Variants in GRID2 observed in about 807,000 individuals in gnomAD.
GRID2 encodes glutamate ionotropic receptor delta type subunit 2.
Under a neutral mutation model 114.8 loss-of-function variants are expected in GRID2, and 33 were observed. The ratio of observed to expected loss-of-function variants is 0.29; its 90% CI spans 0.22 to 0.38. The LOEUF is 0.38. GRID2 is among the 10% of genes least tolerant of loss of function. The pLI, the probability that GRID2 is intolerant of heterozygous loss-of-function variation, is 1.00. For missense variants in GRID2, 1,184 were observed against 1,257.7 expected (o/e 0.94, Z 0.89); for synonymous variants, 505 against 449.9 (o/e 1.12, Z -1.55).
intron 1 of GRID2, among the ~76,000 whole-genome samples, chr4:92,475,552 C>T (rs983582664): frequency 1.3e-5 from 2 of 151,776 alleles, no homozygotes; most frequent in Admixed American, 1.3e-4. Context: ...TAAGTCAATA[C>T]CATGTTGCTT....
intron 11 of GRID2, among the ~76,000 whole-genome samples, chr4:93,459,905 T>G (rs1260928891): frequency 6.6e-6 from 1 of 152,182 alleles, no homozygotes; most frequent in Non-Finnish European, 1.5e-5. Context: ...TCTTCCTCTT[T>G]CTCATCTTGT....
chr4:93,514,612 T>C (rs1237888111), intron 12 of GRID2, among the ~76,000 whole-genome samples: 1 of 152,136 alleles, frequency 6.6e-6, no homozygotes, highest in Non-Finnish European at 1.5e-5. Flanking sequence ...TCACTTATTC[T>C]CTCAACCTCA....
intron 8 of GRID2, among the ~76,000 whole-genome samples, chr4:93,303,570 T>C (rs1218265267): frequency 6.6e-6 from 1 of 152,192 alleles, no homozygotes; most frequent in African/African-American, 2.4e-5. Flanking sequence ...CATCACCTTG[T>C]GGTGATCAGG....
intron 1 of GRID2, among the ~76,000 whole-genome samples, chr4:92,377,955 T>A (rs970137934): frequency 3.3e-5 from 5 of 152,088 alleles, no homozygotes; most frequent in African/African-American, 1.2e-4. Flanking sequence ...TATTTCAACG[T>A]ATGTGGTTAG....
chr4:93,312,585 A>C (rs1756135754), intron 8 of GRID2, among the ~76,000 whole-genome samples: 1 of 152,234 alleles, frequency 6.6e-6, no homozygotes. Context: ...TCAAGGAAGT[A>C]GTCACTTTAA....
intron 14 of GRID2, among the ~76,000 whole-genome samples, chr4:93,632,743 A>G (rs768145357): frequency 1.2e-4 from 18 of 152,114 alleles, no homozygotes; most frequent in African/African-American, 2.4e-4. Flanking sequence ...GTTTTTTCCA[A>G]TTCTGTGAAG....
chr4:93,686,432 A>G (rs1726084304), intron 14 of GRID2, among the ~76,000 whole-genome samples: 1 of 151,942 alleles, frequency 6.6e-6, no homozygotes, highest in Non-Finnish European at 1.5e-5. Context: ...GCAAATGTTC[A>G]TCAGCTACTA....
At chr4:92,850,968 G>A (rs1743738456) in intron 2 of GRID2, among the ~76,000 whole-genome samples, 1 of 151,938 alleles carries the variant, frequency 6.6e-6, no homozygotes, top group Admixed American at 6.6e-5. Context: ...ACAGGTGTGT[G>A]CATATGCACA....
At chr4:93,616,648 CA>C (rs2149675805) in intron 13 of GRID2, among the ~76,000 whole-genome samples, 1 of 148,692 alleles carries the variant, frequency 6.7e-6, no homozygotes, top group African/African-American at 2.5e-5. Context: ...ATAGACTAAA[CA>C]AAACTTGCTT....
intron 3 of GRID2, among the ~76,000 whole-genome samples, chr4:93,108,572 A>G (rs1373464514): frequency 6.6e-6 from 1 of 151,916 alleles, no homozygotes; most frequent in African/African-American, 2.4e-5. Context: ...ACTCAAATAA[A>G]GAACAACTTA....
intron 2 of GRID2, among the ~76,000 whole-genome samples, chr4:92,803,912 A>C (rs1184769393): frequency 6.6e-6 from 1 of 151,920 alleles, no homozygotes; most frequent in African/African-American, 2.4e-5. Flanking sequence ...GCTCTCTCCA[A>C]AGGCTCTAGG....
intron 14 of GRID2, among the ~76,000 whole-genome samples, chr4:93,678,232 G>GAATAAA (rs1725117143): frequency 6.6e-6 from 1 of 152,092 alleles, no homozygotes; most frequent in Non-Finnish European, 1.5e-5. Context: ...AGAGAAAAAA[G>GAATAAA]AATAAAAAGA....
At chr4:92,675,524 G>A (rs1287789968) in intron 2 of GRID2, among the ~76,000 whole-genome samples, 1 of 150,630 alleles carries the variant, frequency 6.6e-6, no homozygotes, top group Admixed American at 6.6e-5. Flanking sequence ...TGCCCACTAA[G>A]AAACACCAGT....
chr4:92,796,773 A>G (rs1739898382), intron 2 of GRID2, among the ~76,000 whole-genome samples: 1 of 151,734 alleles, frequency 6.6e-6, no homozygotes, highest in Non-Finnish European at 1.5e-5. Context: ...AAATTATCAA[A>G]CCATCCTTTG....
chr4:93,287,855 T>A lies in GRID2; in HGVS notation c.1245+49365T>A, dbSNP rs1753344588. ...GATGGGATTTCTCCATTACACAAGT[T>A]CCATTGATACCAGTCTGTCAATATT... On this transcript the variant is annotated intron_variant, in intron 8 of 15. Transcript: ENST00000282020. Among the ~76,000 whole-genome samples, 3 of 152,178 alleles carry A rather than the reference T, an allele frequency of 2.0e-5. No individual in the cohort carries two copies. In the South Asian group the frequency reaches 6.2e-4, roughly 32 times the overall value.
chr4:92,609,514 G>A (rs1336522703), intron 2 of GRID2, among the ~76,000 whole-genome samples: 2 of 151,400 alleles, frequency 1.3e-5, no homozygotes, highest in Non-Finnish European at 3.0e-5. Flanking sequence ...CAGGAAAATC[G>A]CTTTTTGAGA....
At chr4:92,363,803 T>A (rs1017855876) in intron 1 of GRID2, among the ~76,000 whole-genome samples, 9 of 151,168 alleles carry the variant, frequency 6.0e-5, no homozygotes, top group African/African-American at 2.2e-4. Context: ...AATTACTGTG[T>A]CTAGAATTAA....
At chr4:93,002,782 G>C (rs1721139852) in intron 2 of GRID2, among the ~76,000 whole-genome samples, 1 of 151,640 alleles carries the variant, frequency 6.6e-6, no homozygotes, top group Non-Finnish European at 1.5e-5. Flanking sequence ...ATAAAACAGT[G>C]CTTTATTTTC....
chr4:93,169,943 A>C (rs1200232480), intron 4 of GRID2, among the ~76,000 whole-genome samples: 1 of 152,258 alleles, frequency 6.6e-6, no homozygotes, highest in East Asian at 1.9e-4. Context: ...ATCATATTCA[A>C]GTATGTTTCA....
Sources: allele counts gnomAD v4.1 joint callset (sites outside exome capture counted in the v4.1 genomes callset), GRCh38; gene constraint gnomAD v4.1.1; transcripts MANE v1.5; gene names NCBI Gene and HGNC (gene_info 2026-07-23, HGNC 2026-07-21).